The following FGF12 variants were observed in gnomAD, a reference collection of about 807,000 sequenced individuals.
The protein encoded by FGF12 is fibroblast growth factor 12.
In FGF12, 14 loss-of-function variants were observed where a neutral mutation model predicts 23.6. The observed-to-expected ratio is 0.59, with a 90% CI of 0.39 to 0.93. The LOEUF (loss-of-function observed/expected upper bound fraction) is 0.93, where lower values mean the gene tolerates loss of function less well. FGF12 is among the 40% of genes least tolerant of loss of function. The pLI, the probability that FGF12 is intolerant of heterozygous loss-of-function variation, is 0.00. For synonymous variants in FGF12, 62 were observed against 77.3 expected (o/e 0.80, Z 1.04); for missense variants, 175 against 217.8 (o/e 0.80, Z 1.24).
At chr3:192,395,339 G>A (rs1359437139) in intron 2 of FGF12, among the ~76,000 whole-genome samples, 1 of 152,164 alleles carries the variant, frequency 6.6e-6, no homozygotes, top group Non-Finnish European at 1.5e-5. Context: ...AATAAGTAAA[G>A]ACATGAAGTT....
At chr3:192,460,230 T>A (rs1436650387) in intron 2 of FGF12, among the ~76,000 whole-genome samples, 1 of 152,222 alleles carries the variant, frequency 6.6e-6, no homozygotes, top group Non-Finnish European at 1.5e-5. Flanking sequence ...CTCCAACCTT[T>A]TCTTCCTTGC....
chr3:192,148,497 G>A (rs1375435499), intron 5 of FGF12, among the ~76,000 whole-genome samples: 1 of 152,150 alleles, frequency 6.6e-6, no homozygotes. Flanking sequence ...TCAGTTGGGG[G>A]AGATGAAAAA....
Position 192,170,587 on chromosome 3 carries a change from T to C in FGF12, c.298A>G (p.Thr100Ala), listed in dbSNP as rs766545716. The change falls in exon 5 of 6, where the codon ACA becomes GCA. Residue 100 changes from threonine (T) to alanine (A), a missense_variant. Thr to Ala is a moderately conservative substitution (Grantham distance 58). Transcript: ENST00000445105. ...FENYYVIYSSTLYRQQESGRA... is the reference protein window; with the variant it reads ...FENYYVIYSSALYRQQESGRA... Reference sequence around the variant, plus strand: ...CCTGATTCTTGCTGGCGGTACAGTGTGGAAGAATAGATCACATAGTAGTTT... The same window carrying C: ...CCTGATTCTTGCTGGCGGTACAGTGCGGAAGAATAGATCACATAGTAGTTT... 6.2e-7 allele frequency: 1 copy of C among 1,613,562 alleles called. No individual in the cohort carries two copies. The highest frequency in any genetic ancestry group is 1.1e-5 in the South Asian group (1 of 91,068).
intron 2 of FGF12, among the ~76,000 whole-genome samples, chr3:192,380,171 T>G (rs1719756129): frequency 6.6e-6 from 1 of 152,170 alleles, no homozygotes; most frequent in Non-Finnish European, 1.5e-5. Context: ...ATAGATGATG[T>G]CTAGTTTCAG....
At chr3:192,437,083 G>C (rs889742752) in intron 2 of FGF12, among the ~76,000 whole-genome samples, 1 of 152,080 alleles carries the variant, frequency 6.6e-6, no homozygotes, top group African/African-American at 2.4e-5. Flanking sequence ...TTCCTTAAAA[G>C]GTCTTGCAGC....
chr3:192,403,020 A>G (rs1720826233), intron 2 of FGF12, among the ~76,000 whole-genome samples: 1 of 152,200 alleles, frequency 6.6e-6, no homozygotes. Context: ...ATAATTCTAT[A>G]CATCAAAAGC....
chr3:192,201,258 A>G (rs112214325), intron 4 of FGF12, among the ~76,000 whole-genome samples: 204 of 152,256 alleles, frequency 1.3e-3, no homozygotes, highest in African/African-American at 4.8e-3. Context: ...TTCTAAAGTC[A>G]AATTTTGACA....
At chr3:192,694,415 T>A (rs536991467) in intron 2 of FGF12, among the ~76,000 whole-genome samples, 2 of 152,144 alleles carry the variant, frequency 1.3e-5, no homozygotes, top group South Asian at 4.1e-4. Flanking sequence ...GGAAATGAAA[T>A]CAGTACTTTA....
intron 2 of FGF12, among the ~76,000 whole-genome samples, chr3:192,637,374 T>C (rs1328490908): frequency 2.0e-5 from 3 of 152,328 alleles, no homozygotes; most frequent in East Asian, 1.9e-4. Context: ...TGTATCATAT[T>C]TGTGGCCCCT....
chr3:192,541,431 C>T (rs1312513811), intron 2 of FGF12, among the ~76,000 whole-genome samples: 1 of 151,978 alleles, frequency 6.6e-6, no homozygotes, highest in African/African-American at 2.4e-5. Flanking sequence ...TTAATTGTGT[C>T]CCCCACTTTT....
chr3:192,561,394 G>T (rs555681678), intron 2 of FGF12, among the ~76,000 whole-genome samples: 13 of 151,418 alleles, frequency 8.6e-5, no homozygotes, highest in Non-Finnish European at 1.2e-4. Flanking sequence ...ACAGAGTCTC[G>T]CTCTTTCACC....
At chr3:192,462,544 C>T (rs1453121527) in intron 2 of FGF12, among the ~76,000 whole-genome samples, 1 of 152,046 alleles carries the variant, frequency 6.6e-6, no homozygotes, top group Non-Finnish European at 1.5e-5. Flanking sequence ...TTCTCAATCT[C>T]CATAAGTGTA....
chr3:192,655,381 A>G (rs1343858230), intron 2 of FGF12, among the ~76,000 whole-genome samples: 1 of 152,146 alleles, frequency 6.6e-6, no homozygotes, highest in Non-Finnish European at 1.5e-5. Context: ...TCTAAAACTC[A>G]GATGTGATGG....
intron 2 of FGF12, among the ~76,000 whole-genome samples, chr3:192,648,331 T>C (rs1456514421): frequency 6.6e-6 from 1 of 152,148 alleles, no homozygotes; most frequent in Non-Finnish European, 1.5e-5. Flanking sequence ...TTGATTTTGT[T>C]GGTTTTGTTG....
chr3:192,251,191 C>T lies in FGF12; in HGVS notation c.229-80535G>A, dbSNP rs565216052. 2.6e-5 allele frequency among the ~76,000 whole-genome samples: 4 copies of T among 152,292 alleles called. No individual in the cohort carries two copies. In the East Asian group the frequency reaches 5.8e-4, roughly 22 times the overall value. On this transcript the variant is annotated intron_variant, in intron 4 of 5. Coordinates refer to ENST00000445105, the MANE Select transcript of FGF12 (RefSeq NM_004113.6). ...GATCAAATATTTCAGGGCCTTCAAA[C>T]TCATATAACATGTTTCTCCTAGAAA...
rs1326259784 is a variant in FGF12 at position 192,167,757 on chromosome 3, ATATATATATATAAAATTTT to A, written c.427+2682_427+2700del. On this transcript the variant is annotated intron_variant, in intron 5 of 5. Transcript: ENST00000445105. ...TATATATATATATATATATATATAT[ATATATATATATAAAATTTT>A]TTTTTTTTTTTTTTTTTGAGAAAGA... Among the ~76,000 whole-genome samples, 79 of 30,578 alleles carry A rather than the reference ATATATATATATAAAATTTT, an allele frequency of 2.6e-3. 4 individuals carry two copies. Among genetic ancestry groups the A allele is most frequent in the South Asian group, 6.0e-3 (4 of 666 alleles). The allele number at this position is 30,578 out of a possible 152,430, so 20.1% of individuals were successfully genotyped here.
intron 5 of FGF12, among the ~76,000 whole-genome samples, chr3:192,162,385 G>A (rs1423993714): frequency 1.3e-5 from 2 of 152,090 alleles, no homozygotes; most frequent in Non-Finnish European, 2.9e-5. Flanking sequence ...GCGTCTGTAT[G>A]TTCGTTTAGA....
intron 3 of FGF12, among the ~76,000 whole-genome samples, chr3:192,346,782 G>A (rs551724646): frequency 6.6e-6 from 1 of 152,240 alleles, no homozygotes; most frequent in African/African-American, 2.4e-5. Flanking sequence ...ATTTAGTGAT[G>A]TCTGCAGTGA....
In FGF12 at chr3:192,465,665, A is replaced by T. The variant is rs145636329; in HGVS notation, c.14-105127T>A. Among the ~76,000 whole-genome samples, 255 of 152,238 alleles carry T rather than the reference A, an allele frequency of 1.7e-3. 5 individuals are homozygous for T. In the East Asian group the frequency reaches 0.036, roughly 22 times the overall value. On this transcript the variant is annotated intron_variant, in intron 2 of 5. Coordinates refer to ENST00000445105, the MANE Select transcript of FGF12 (RefSeq NM_004113.6). ...GAATAGCTACTTTTCTTAAATTTTG[A>T]TAGCTGCTAGGCAGAGGGTGCCTAC... is the stretch of plus-strand genomic sequence containing the variant.
Sources: allele counts gnomAD v4.1 joint callset (sites outside exome capture counted in the v4.1 genomes callset), GRCh38; gene constraint gnomAD v4.1.1; transcripts MANE v1.5; gene names NCBI Gene and HGNC (gene_info 2026-07-23, HGNC 2026-07-21).